The following EVC variants were observed in gnomAD, a reference collection of about 807,000 sequenced individuals.
EVC encodes evC complex member EVC.
A neutral mutation model predicts 118.9 loss-of-function variants in EVC; 116 were observed. That is an observed-to-expected ratio of 0.98 (90% CI 0.84 to 1.14). The LOEUF is 1.14. Ranked by LOEUF, EVC falls within the 50% of genes most tolerant of loss-of-function variation. The pLI is 0.00. For missense variants in EVC, 1,401 were observed against 1,246.4 expected (o/e 1.12, Z -1.87); for synonymous variants, 619 against 534.7 (o/e 1.16, Z -2.18).
chr4:5,808,376 G>T, intron 18 of EVC, 49 bp downstream of exon 18: 1 of 1,613,446 alleles, frequency 6.2e-7, no homozygotes, highest in Non-Finnish European at 8.5e-7. Flanking sequence ...TTAAAGAGGA[G>T]CAGAAATAGC....
chr4:5,815,868 G>A (rs1344721344), downstream of EVC, among the ~76,000 whole-genome samples: 1 of 152,238 alleles, frequency 6.6e-6, no homozygotes, highest in Non-Finnish European at 1.5e-5. Context: ...CTGGTGGAAG[G>A]AAGGGAGGGA....
chr4:5,803,722 A>C (rs1037320082), intron 16 of EVC, among the ~76,000 whole-genome samples: 15 of 152,182 alleles, frequency 9.9e-5, no homozygotes, highest in African/African-American at 3.4e-4. Context: ...ATGTCCCCAG[A>C]GGCTATCCAG....
intron 12 of EVC, among the ~76,000 whole-genome samples, chr4:5,784,863 CT>C (rs1736185824): frequency 6.6e-6 from 1 of 152,148 alleles, no homozygotes; most frequent in Admixed American, 6.5e-5. Flanking sequence ...CCGCCTTAGC[CT>C]CCCGAAGTGC....
At chr4:5,801,316 C>A (rs369571652) in intron 15 of EVC, among the ~76,000 whole-genome samples, 1 of 152,278 alleles carries the variant, frequency 6.6e-6, no homozygotes, top group East Asian at 1.9e-4. Context: ...AGATGTCAGG[C>A]CTGCATTCCA....
At chr4:5,747,241 A>G (rs541316108) in intron 7 of EVC, among the ~76,000 whole-genome samples, 53 of 45,204 alleles carry the variant, frequency 1.2e-3, no homozygotes, top group Middle Eastern at 9.3e-3. Flanking sequence ...CTTGAGTCAC[A>G]GCAACAAAAT....
chr4:5,773,510 T>G (rs1211898507), intron 11 of EVC, among the ~76,000 whole-genome samples: 2 of 152,076 alleles, frequency 1.3e-5, no homozygotes, highest in African/African-American at 4.8e-5. Flanking sequence ...GTGCCTGAAC[T>G]CAGTGTAGCA....
chr4:5,761,683 C>T (rs912654359), intron 11 of EVC, among the ~76,000 whole-genome samples: 8 of 151,850 alleles, frequency 5.3e-5, no homozygotes, highest in Non-Finnish European at 8.8e-5. Flanking sequence ...ATAAGCCAGC[C>T]GTCAACATGA....
intron 11 of EVC, among the ~76,000 whole-genome samples, chr4:5,778,789 T>A (rs1423308060): frequency 1.3e-5 from 2 of 152,180 alleles, no homozygotes; most frequent in African/African-American, 4.8e-5. Flanking sequence ...ATTTTGTGGG[T>A]TGCCTGTTCA....
chr4:5,772,176 G>T (rs1056719499), intron 11 of EVC, among the ~76,000 whole-genome samples: 3 of 152,170 alleles, frequency 2.0e-5, no homozygotes, highest in Admixed American at 2.0e-4. Context: ...GATTACAGGC[G>T]TGAGCCACCG....
Position 5,808,222 on chromosome 4 carries a change from G to A in EVC, c.2583G>A (p.Arg861=), listed in dbSNP as rs145317746. ...CCAGGATGCTGTCCCAGCAGAAGAG[G>A]TTCCTGGCCCAGTTCCCAGTGCACC... is the stretch of plus-strand genomic sequence containing the variant. ...VHQRMLSQQK[R]FLAQFPVHQQ... The change falls in exon 18 of 21, where the codon AGG becomes AGA. Residue 861 remains arginine, a synonymous_variant. Coordinates refer to ENST00000264956, the MANE Select transcript of EVC (RefSeq NM_153717.3). The A allele has an allele frequency of 2.6e-5, 41 of 1,549,302 alleles. No individual in the cohort carries two copies. The African/African-American group carries it at 5.1e-4, about 19-fold the overall frequency.
chr4:5,741,604 AAAG>A (rs1728586019), intron 5 of EVC, 109 bp from the exon 6 acceptor site: 8 of 657,500 alleles, frequency 1.2e-5, no homozygotes, highest in South Asian at 5.1e-5. Context: ...AAAGAGAAGA[AAAG>A]AAGGAGAGAG....
In EVC at chr4:5,756,335, C is replaced by T. The variant is rs368554773; in HGVS notation, c.1536C>T (p.Ala512=). 41 of 1,611,804 alleles carry T rather than the reference C, an allele frequency of 2.5e-5. No homozygotes were observed. In the African/African-American group the frequency reaches 4.7e-4, roughly 18 times the overall value. Reference sequence around the variant, plus strand: ...TGGAGGAAGAGGAGAATGTCAGAGCCACCGAGGCTGTGGTTGCACTCTGCC... The same window carrying T: ...TGGAGGAAGAGGAGAATGTCAGAGCTACCGAGGCTGTGGTTGCACTCTGCC... ...CDLEEEENVR[A]TEAVVALCQE... Residue 512 remains alanine, a synonymous_variant, in exon 11 of 21, where the codon GCC becomes GCT. Transcript: ENST00000264956. This position sits in a 1 kb window ranked among gnomAD's most constrained non-coding sequence, Gnocchi z 4.2.
Position 5,761,050 on chromosome 4 carries a change from A to G in EVC, c.1563+4688A>G, listed in dbSNP as rs78045573. Among the ~76,000 whole-genome samples the G allele has an allele frequency of 7.5e-4, 114 of 152,258 alleles. 1 individual carries two copies. The highest frequency in any genetic ancestry group is 2.5e-3 in the African/African-American group (105 of 41,486). Reference sequence around the variant, plus strand: ...CCATAGGAGCAGGCTAAAATCCTCCATTGCCGATTGGAGAGCTGGCTGCGC... The same window carrying G: ...CCATAGGAGCAGGCTAAAATCCTCCGTTGCCGATTGGAGAGCTGGCTGCGC... On this transcript the variant is annotated intron_variant, in intron 11 of 20. Coordinates refer to ENST00000264956, the MANE Select transcript of EVC (RefSeq NM_153717.3).
chr4:5,825,716 G>C, the EVC span: 2 of 1,576,296 alleles, frequency 1.3e-6, no homozygotes, highest in Non-Finnish European at 1.7e-6. This position sits in a 1 kb window ranked among gnomAD's most constrained non-coding sequence, Gnocchi z 4.4. Context: ...TGCCCTTCTG[G>C]GCAGATAAAG....
chr4:5,791,481 G>A (rs1208643173), intron 12 of EVC, among the ~76,000 whole-genome samples: 1 of 152,166 alleles, frequency 6.6e-6, no homozygotes, highest in African/African-American at 2.4e-5. Context: ...AGAAAACAGC[G>A]CAGAACCAAA....
At chr4:5,824,404 C>T in the EVC span, 26 of 985,224 alleles carry the variant, frequency 2.6e-5, no homozygotes, top group Admixed American at 1.2e-4. Flanking sequence ...TTCATGCCTC[C>T]TCGGCATAAT....
chr4:5,772,023 G>T (rs575369668), intron 11 of EVC, among the ~76,000 whole-genome samples: 1 of 151,830 alleles, frequency 6.6e-6, no homozygotes, highest in Non-Finnish European at 1.5e-5. Context: ...TCAGCCTCCC[G>T]GGTAGCTGGG....
chr4:5,820,490 GAAGA>G, the EVC span, among the ~76,000 whole-genome samples: 1 of 152,178 alleles, frequency 6.6e-6, no homozygotes, highest in Non-Finnish European at 1.5e-5. Flanking sequence ...TACAATACAA[GAAGA>G]AAGAGAGCCA....
At chr4:5,800,581 A>G (rs62297682) in intron 15 of EVC, among the ~76,000 whole-genome samples, 12,554 of 152,126 alleles carry the variant, frequency 0.083, 586 homozygotes, top group African/African-American at 0.11. Context: ...CCGCCACTTT[A>G]CTGTGGCAGG....
Sources: gnomAD v4.1 joint callset for allele counts (sites outside exome capture counted in the v4.1 genomes callset) on GRCh38, gnomAD v4.1.1 for gene constraint, Gnocchi (gnomAD v3.1) non-coding constraint, MANE v1.5 for transcripts, NCBI Gene and HGNC (gene_info 2026-07-23, HGNC 2026-07-21) for gene names.